SGCZ: variants seen among roughly 807,000 people sequenced by gnomAD.
The protein encoded by SGCZ is zeta-sarcoglycan.
In SGCZ, 40 loss-of-function variants were observed where a neutral mutation model predicts 41.3. The ratio of observed to expected loss-of-function variants is 0.97; its 90% confidence interval spans 0.75 to 1.26. SGCZ has a LOEUF of 1.26. Among genes scored for constraint, SGCZ ranks in the 50% most tolerant of loss-of-function variants. SGCZ has a pLI of 0.00. For missense variants in SGCZ, 552 were observed against 369.8 expected, an observed-to-expected ratio of 1.49 and a Z score of -4.04; for synonymous variants, 206 against 137.5, an observed-to-expected ratio of 1.50 and a Z score of -3.49.
At chr8:14,554,953 A>C in intron 1 of SGCZ, 27 bp from the exon 2 acceptor site, 1 of 1,508,454 alleles carries the variant, frequency 6.6e-7, no homozygotes, top group South Asian at 1.3e-5. Flanking sequence ...AAAGAAAGAG[A>C]AAGAAGGAAA....
chr8:14,703,341 G>T (rs967990323), intron 1 of SGCZ, among the ~76,000 whole-genome samples: 2 of 151,914 alleles, frequency 1.3e-5, no homozygotes, highest in Non-Finnish European at 2.9e-5. Context: ...GCCTCAGGGT[G>T]TGTGTTCCCT....
intron 1 of SGCZ, among the ~76,000 whole-genome samples, chr8:14,877,605 A>C (rs563636583): frequency 1.3e-5 from 2 of 152,234 alleles, no homozygotes; most frequent in South Asian, 2.1e-4. Context: ...AAAGATATTA[A>C]AGGCATAAAA....
chr8:14,777,126 A>T (rs1563262234), intron 1 of SGCZ, among the ~76,000 whole-genome samples: 1 of 152,212 alleles, frequency 6.6e-6, no homozygotes, highest in Non-Finnish European at 1.5e-5. Context: ...GCTTAAATTT[A>T]GTAAATGCTC....
intron 1 of SGCZ, among the ~76,000 whole-genome samples, chr8:15,047,398 T>A (rs1804350514): frequency 6.6e-6 from 1 of 152,112 alleles, no homozygotes; most frequent in Non-Finnish European, 1.5e-5. Flanking sequence ...TTTTTCTCCA[T>A]AAATTTCTTT....
At chr8:14,240,327 C>CAAAAAAAAAAAAAAAAAAAAAAA (rs59351247) in intron 3 of SGCZ, among the ~76,000 whole-genome samples, 55 of 115,222 alleles carry the variant, frequency 4.8e-4, no homozygotes, top group Non-Finnish European at 8.1e-4. Context: ...AACTCTGTGT[C>CAAAAAAAAAAAAAAAAAAAAAAA]AAAAAAAAAA....
intron 1 of SGCZ, among the ~76,000 whole-genome samples, chr8:15,068,088 A>T (rs1805217799): frequency 6.6e-6 from 1 of 152,214 alleles, no homozygotes. Flanking sequence ...AAAAGATGCC[A>T]CTAGAGGTCT....
chr8:15,097,501 C>G (rs985705125), intron 1 of SGCZ, among the ~76,000 whole-genome samples: 8 of 151,898 alleles, frequency 5.3e-5, no homozygotes, highest in Admixed American at 1.3e-4. Flanking sequence ...GTTGTCCTAG[C>G]ACTTTGGGAG....
rs994015532 is a variant in SGCZ, at chr8:14,860,091, G to A, written c.40-305165C>T. 7.3e-5 allele frequency among the ~76,000 whole-genome samples: 11 copies of A among 151,028 alleles called. No homozygotes were observed. The East Asian group carries it at 1.4e-3, about 19-fold the overall frequency. On this transcript the variant is annotated intron_variant, in intron 1 of 7. Transcript: ENST00000382080. ...CTCCACTTTAAAGAAACAGAAACTA[G>A]AAAACATAAAGATGCTCTGTGGCTG... is the stretch of plus-strand genomic sequence containing the variant.
chr8:14,476,536 C>T (rs965741381), intron 2 of SGCZ, among the ~76,000 whole-genome samples: 1 of 152,032 alleles, frequency 6.6e-6, no homozygotes, highest in African/African-American at 2.4e-5. Context: ...AAAAAGCCCA[C>T]AATGATGCCA....
chr8:14,533,728 C>G (rs897628444), intron 2 of SGCZ, among the ~76,000 whole-genome samples: 4 of 151,878 alleles, frequency 2.6e-5, no homozygotes, highest in African/African-American at 9.7e-5. Context: ...TAATTCATGG[C>G]AGATGATAAG....
chr8:15,110,229 A>T (rs571794802), intron 1 of SGCZ, among the ~76,000 whole-genome samples: 1 of 152,326 alleles, frequency 6.6e-6, no homozygotes, highest in South Asian at 2.1e-4. Flanking sequence ...CAGGCCAGTC[A>T]GATGATCCTT....
intron 1 of SGCZ, among the ~76,000 whole-genome samples, chr8:14,655,999 C>A (rs1807555815): frequency 6.6e-6 from 1 of 152,088 alleles, no homozygotes; most frequent in African/African-American, 2.4e-5. Context: ...TTGAACTACT[C>A]ACCCCTTGAA....
At chr8:15,180,992 T>C (rs759966275) in intron 1 of SGCZ, among the ~76,000 whole-genome samples, 1 of 152,080 alleles carries the variant, frequency 6.6e-6, no homozygotes, top group Non-Finnish European at 1.5e-5. Context: ...CAAATGAAGG[T>C]AAATTTACAT....
intron 4 of SGCZ, among the ~76,000 whole-genome samples, chr8:14,222,784 T>A (rs935979475): frequency 1.3e-4 from 18 of 138,588 alleles, no homozygotes; most frequent in African/African-American, 4.5e-4. Context: ...CCTCTCTCAG[T>A]CACAGTGATT....
At chr8:15,176,810 G>A (rs1800013075) in intron 1 of SGCZ, among the ~76,000 whole-genome samples, 1 of 152,144 alleles carries the variant, frequency 6.6e-6, no homozygotes, top group South Asian at 2.1e-4. Context: ...GACCATCCTG[G>A]CTAACAGGGT....
intron 1 of SGCZ, among the ~76,000 whole-genome samples, chr8:15,027,168 G>T (rs1223127250): frequency 6.6e-6 from 1 of 151,986 alleles, no homozygotes; most frequent in African/African-American, 2.4e-5. Flanking sequence ...AAGCATCTTT[G>T]GTAAAATGAG....
chr8:14,087,914 C>G lies in SGCZ; in HGVS notation c.*2529G>C, dbSNP rs1801571174. 6.6e-6 allele frequency among the ~76,000 whole-genome samples: 1 copy of G among 151,692 alleles called. No individual in the cohort carries two copies. The highest frequency in any genetic ancestry group is 1.5e-5 in the Non-Finnish European group (1 of 67,794). ...AAAGCCATCGCTATCACTATATTTT[C>G]TACTGTACTGAACCGATTTGTTATA... On this transcript the variant is annotated 3_prime_UTR_variant, in exon 8 of 8. Transcript: ENST00000382080.
rs529028596 is a variant in SGCZ, at chr8:15,137,254, T to C, written c.39+100331A>G. On this transcript the variant is annotated intron_variant, in intron 1 of 7. Coordinates refer to ENST00000382080, the MANE Select transcript of SGCZ (RefSeq NM_139167.4). ...CTTGAGAGAGATGATTTAGCGTATC[T>C]GGTGGAAGAAATTTCCAAGTGGAAA... Among the ~76,000 whole-genome samples the C allele has an allele frequency of 1.4e-4, 21 of 152,266 alleles. No individual in the cohort carries two copies. The East Asian group carries it at 3.3e-3, about 24-fold the overall frequency.
At chr8:14,238,897 G>C (rs934665847) in intron 3 of SGCZ, among the ~76,000 whole-genome samples, 1 of 151,708 alleles carries the variant, frequency 6.6e-6, no homozygotes, top group Non-Finnish European at 1.5e-5. Flanking sequence ...CAATATACAA[G>C]TGCTTTCATA....
Sources: allele counts gnomAD v4.1 joint callset (sites outside exome capture counted in the v4.1 genomes callset), GRCh38; gene constraint gnomAD v4.1.1; transcripts MANE v1.5; gene names NCBI Gene and HGNC (gene_info 2026-07-23, HGNC 2026-07-21).